ABAT: variants seen among roughly 807,000 people sequenced by gnomAD.
ABAT encodes 4-aminobutyrate aminotransferase.
In ABAT, 45 loss-of-function variants were observed where a neutral mutation model predicts 64.6. The ratio of observed to expected loss-of-function variants is 0.70; its 90% CI spans 0.55 to 0.89. The LOEUF (loss-of-function observed/expected upper bound fraction) is 0.89, where lower values mean the gene tolerates loss of function less well. ABAT is among the 40% of genes least tolerant of loss of function. The pLI is 0.00. For missense variants in ABAT, 633 were observed against 658.4 expected (o/e 0.96, Z 0.42); for synonymous variants, 297 against 250.5 (o/e 1.19, Z -1.75).
chr16:8,733,633 CG>C (rs2058824414), intron 1 of ABAT, among the ~76,000 whole-genome samples: 1 of 151,898 alleles, frequency 6.6e-6, no homozygotes, highest in African/African-American at 2.4e-5. Context: ...GGCTGGAGAC[CG>C]GCCTGGCCAA....
At chr16:8,684,297 G>A (rs543863247) in intron 1 of ABAT, among the ~76,000 whole-genome samples, 14 of 152,278 alleles carry the variant, frequency 9.2e-5, no homozygotes, top group South Asian at 2.1e-4. Flanking sequence ...GATAGACAGC[G>A]TATGGTGGCT....
At chr16:8,722,904 C>G (rs2058414738) in intron 1 of ABAT, 1 of 1,273,014 alleles carries the variant, frequency 7.9e-7, no homozygotes, top group South Asian at 1.2e-5. Flanking sequence ...ACTCTTAGCA[C>G]GCTTGTCAGG....
intron 1 of ABAT, among the ~76,000 whole-genome samples, chr16:8,692,803 TACTACATTTAAGG>T (rs1289654839): frequency 6.6e-6 from 1 of 152,232 alleles, no homozygotes; most frequent in Non-Finnish European, 1.5e-5. Context: ...ACACTTCCCC[TACTACATTTAAGG>T]AGAACTTTGC....
intron 9 of ABAT, among the ~76,000 whole-genome samples, chr16:8,767,485 G>A (rs2059978668): frequency 6.6e-6 from 1 of 152,180 alleles, no homozygotes; most frequent in Admixed American, 6.5e-5. Context: ...GGAGCCAGGG[G>A]ATGGGGAGGA....
chr16:8,725,995 C>A (rs980228224), intron 1 of ABAT, among the ~76,000 whole-genome samples: 3 of 152,054 alleles, frequency 2.0e-5, no homozygotes, highest in Non-Finnish European at 4.4e-5. Context: ...CCCTGCCCCT[C>A]CCTGGGAGCC....
At chr16:8,738,622 G>GTTTTTTTTTTTTTTTT (rs1204824310) in intron 2 of ABAT, among the ~76,000 whole-genome samples, 1 of 111,374 alleles carries the variant, frequency 9.0e-6, no homozygotes, top group African/African-American at 4.6e-5. Context: ...TTTTGTTTTT[G>GTTTTTTTTTTTTTTTT]TTTTTGTTTT....
chr16:8,696,343 C>G (rs2141999221), intron 1 of ABAT, among the ~76,000 whole-genome samples: 1 of 152,268 alleles, frequency 6.6e-6, no homozygotes, highest in African/African-American at 2.4e-5. Flanking sequence ...TGGGATCAGG[C>G]TAGGCGTGGT....
rs145746359 is a variant in ABAT, at chr16:8,770,199, G to A, written c.816+1226G>A. On this transcript the variant is annotated intron_variant, in intron 11 of 15. Coordinates refer to ENST00000268251, the MANE Select transcript of ABAT (RefSeq NM_020686.6). ...GTTGCCCAGGCTGGAGTGCAGTGGCGCGATCTCAGCTCACTGCAAGCTCCG... is the reference window on the plus strand; with the variant it reads ...GTTGCCCAGGCTGGAGTGCAGTGGCACGATCTCAGCTCACTGCAAGCTCCG... Among the ~76,000 whole-genome samples the A allele has an allele frequency of 8.2e-3, 1,246 of 152,200 alleles. 25 individuals are homozygous for A. The highest frequency in any genetic ancestry group is 0.028 in the African/African-American group (1,147 of 41,522).
At chr16:8,735,440 T>C (rs2058892408) in intron 1 of ABAT, among the ~76,000 whole-genome samples, 1 of 152,058 alleles carries the variant, frequency 6.6e-6, no homozygotes, top group African/African-American at 2.4e-5. Flanking sequence ...TTTGTGAAGA[T>C]GGGATCTTGC....
chr16:8,775,168 G>A (rs1316426941), intron 13 of ABAT, 111 bp downstream of exon 13: 11 of 1,433,526 alleles, frequency 7.7e-6, no homozygotes, highest in African/African-American at 2.8e-5. Flanking sequence ...TTACTGGGTC[G>A]CAGGTTTTCT....
chr16:8,674,986 G>T (rs535827011), intron 1 of ABAT, among the ~76,000 whole-genome samples: 1 of 152,174 alleles, frequency 6.6e-6, no homozygotes, highest in East Asian at 1.9e-4. Flanking sequence ...AATAGAATGC[G>T]GCCCCAAAAA....
At chr16:8,766,412 T>C (rs2059946191) in intron 9 of ABAT, 142 bp downstream of exon 9, 1 of 786,010 alleles carries the variant, frequency 1.3e-6, no homozygotes, top group Non-Finnish European at 2.1e-6. Flanking sequence ...CCCAGCACTT[T>C]GGGAGGCCAA....
At chr16:8,677,471 C>A (rs1265255264) in intron 1 of ABAT, among the ~76,000 whole-genome samples, 1 of 152,176 alleles carries the variant, frequency 6.6e-6, no homozygotes, top group African/African-American at 2.4e-5. Context: ...GTCTCTGAAC[C>A]TCAGTTCCTC....
At chr16:8,704,176 C>G (rs999759891) in intron 1 of ABAT, among the ~76,000 whole-genome samples, 1 of 152,192 alleles carries the variant, frequency 6.6e-6, no homozygotes, top group Non-Finnish European at 1.5e-5. Flanking sequence ...GAACTAGAAT[C>G]AAATTTGACT....
chr16:8,735,745 C>T lies in ABAT; in HGVS notation c.6C>T (p.Ala2=), dbSNP rs987724126. M[A]SMLLAQRLAC... is the part of the protein sequence containing the mutation. ...TCCCTGTCCCTCAAGGGGTCATGGC[C>T]TCCATGTTGCTCGCCCAGCGCCTGG... The change falls in exon 2 of 16, where the codon GCC becomes GCT. Residue 2 remains alanine (A), a synonymous_variant. Coordinates refer to ENST00000268251, the MANE Select transcript of ABAT (RefSeq NM_020686.6). The T allele has an allele frequency of 1.9e-6, 3 of 1,604,126 alleles. No homozygotes were observed. The highest frequency in any genetic ancestry group is 1.1e-5 in the South Asian group (1 of 88,974).
intron 6 of ABAT, among the ~76,000 whole-genome samples, chr16:8,758,833 C>G (rs1329215088): frequency 6.6e-6 from 1 of 152,174 alleles, no homozygotes; most frequent in East Asian, 1.9e-4. Context: ...CACGGTGGCT[C>G]ACGCCTGTAA....
intron 4 of ABAT, 23 bp from the exon 5 acceptor site, chr16:8,750,399 A>C: frequency 6.3e-7 from 1 of 1,594,952 alleles, no homozygotes; most frequent in Non-Finnish European, 8.6e-7. Context: ...AGTGAGCCTG[A>C]GTTGGTCTTT....
chr16:8,679,463 C>G lies in ABAT; in HGVS notation c.-42+4752C>G, dbSNP rs568479762. On this transcript the variant is annotated intron_variant, in intron 1 of 15. Coordinates refer to ENST00000268251, the MANE Select transcript of ABAT (RefSeq NM_020686.6). Reference sequence around the variant, plus strand: ...GATGACCTCAGGCCAGCCACTTTAACTCTCAGTGCCTCATTTCTCTAACTT... The same window carrying G: ...GATGACCTCAGGCCAGCCACTTTAAGTCTCAGTGCCTCATTTCTCTAACTT... Among the ~76,000 whole-genome samples, 4 of 150,926 alleles carry G rather than the reference C, an allele frequency of 2.7e-5. No individual in the cohort carries two copies. The South Asian group carries it at 8.3e-4, about 31-fold the overall frequency.
intron 1 of ABAT, among the ~76,000 whole-genome samples, chr16:8,726,171 A>G (rs1363349937): frequency 2.0e-5 from 3 of 152,058 alleles, no homozygotes; most frequent in Admixed American, 2.0e-4. Context: ...CAAATAAGTG[A>G]GAACACATGC....
Sources: gnomAD v4.1 joint callset for allele counts (sites outside exome capture counted in the v4.1 genomes callset) on GRCh38, gnomAD v4.1.1 for gene constraint, MANE v1.5 for transcripts, NCBI Gene and HGNC (gene_info 2026-07-23, HGNC 2026-07-21) for gene names.